The following ME3 variants were observed in gnomAD, a reference collection of about 807,000 sequenced individuals.
ME3 encodes the protein malic enzyme 3.
A neutral mutation model predicts 68.9 loss-of-function variants in ME3; 48 were observed. That is an observed-to-expected ratio of 0.70 (90% CI 0.55 to 0.89). The LOEUF is 0.89. ME3 is among the 40% of genes least tolerant of loss of function. The pLI, the probability that ME3 is intolerant of heterozygous loss-of-function variation, is 0.00. For missense variants in ME3, 675 were observed against 797.4 expected (o/e 0.85, Z 1.85); for synonymous variants, 320 against 318.8 (o/e 1.00, Z -0.04).
chr11:86,475,908 A>AAG lies in ME3; in HGVS notation c.810-10710_810-10709dup, dbSNP rs1277347481. On this transcript the variant is annotated intron_variant, in intron 7 of 14. Coordinates refer to ENST00000543262, the Ensembl canonical transcript of ME3. The stretch of plus-strand genomic sequence containing the variant: ...AGAGAGAGAGAGAGAGAGAAAGAGA[A>AAG]AGAGAGAGAGAGAGAGCAGTGACCC... Among the ~76,000 whole-genome samples, 625 of 126,766 alleles carry AAG rather than the reference A, an allele frequency of 4.9e-3. 7 individuals carry two copies. The highest frequency in any genetic ancestry group is 0.017 in the African/African-American group (557 of 32,900). 83.2% of individuals were successfully genotyped at this position (126,766 alleles called of 152,430 possible).
At chr11:86,631,508 C>T (rs977078814) in intron 2 of ME3, among the ~76,000 whole-genome samples, 1 of 152,020 alleles carries the variant, frequency 6.6e-6, no homozygotes, top group Non-Finnish European at 1.5e-5. Context: ...CAAATCCAAA[C>T]GCATATCAGA....
At chr11:86,488,052 T>C (rs970463546) in intron 6 of ME3, among the ~76,000 whole-genome samples, 1 of 152,178 alleles carries the variant, frequency 6.6e-6, no homozygotes, top group South Asian at 2.1e-4. Context: ...TGGTGGTGTA[T>C]GTCTTTGGTC....
At chr11:86,505,896 G>A (rs1159672146) in intron 5 of ME3, among the ~76,000 whole-genome samples, 2 of 152,208 alleles carry the variant, frequency 1.3e-5, no homozygotes, top group Non-Finnish European at 2.9e-5. Context: ...TGTGTACTCT[G>A]CGGTACCACA....
chr11:86,553,719 C>G (rs1956801628), intron 4 of ME3, among the ~76,000 whole-genome samples: 1 of 152,228 alleles, frequency 6.6e-6, no homozygotes, highest in Non-Finnish European at 1.5e-5. Context: ...CAAGCTCACT[C>G]AGCTGCAGGC....
chr11:86,602,950 CA>C (rs1197389629), intron 2 of ME3, among the ~76,000 whole-genome samples: 2 of 152,184 alleles, frequency 1.3e-5, no homozygotes, highest in Admixed American at 1.3e-4. Flanking sequence ...AAAATTAATT[CA>C]AGGTGGATTA....
At chr11:86,529,206 C>A (rs1955011116) in intron 4 of ME3, among the ~76,000 whole-genome samples, 1 of 152,150 alleles carries the variant, frequency 6.6e-6, no homozygotes, top group Non-Finnish European at 1.5e-5. Context: ...ATACAAACTA[C>A]CATCAGAGAA....
intron 2 of ME3, among the ~76,000 whole-genome samples, chr11:86,659,365 G>A (rs1946127747): frequency 6.6e-6 from 1 of 152,208 alleles, no homozygotes. Context: ...TTCAAAGATG[G>A]TAGGTAGAAG....
chr11:86,576,339 T>C (rs1220225986), intron 2 of ME3, among the ~76,000 whole-genome samples: 1 of 152,068 alleles, frequency 6.6e-6, no homozygotes, highest in African/African-American at 2.4e-5. Flanking sequence ...CACTGCCGCC[T>C]CCCCTCTGCC....
intron 2 of ME3, among the ~76,000 whole-genome samples, chr11:86,651,996 G>A (rs568297231): frequency 6.6e-6 from 1 of 152,296 alleles, no homozygotes; most frequent in Admixed American, 6.5e-5. Context: ...GGGTATCAGT[G>A]ACGGAAGATC....
chr11:86,559,658 CCAGA>C, intron 3 of ME3, 28 bp downstream of exon 3: 2 of 1,593,506 alleles, frequency 1.3e-6, no homozygotes, highest in Non-Finnish European at 8.6e-7. Flanking sequence ...AGCCCAAGGA[CCAGA>C]CAGAGAGAAC....
chr11:86,572,716 T>C (rs1957869038), intron 2 of ME3, among the ~76,000 whole-genome samples: 4 of 152,356 alleles, frequency 2.6e-5, no homozygotes, highest in African/African-American at 9.6e-5. Flanking sequence ...CCTTTGCTAT[T>C]GTAAATGGTG....
At chr11:86,476,036 C>G (rs1220449515) in intron 7 of ME3, among the ~76,000 whole-genome samples, 1 of 151,972 alleles carries the variant, frequency 6.6e-6, no homozygotes, top group Non-Finnish European at 1.5e-5. Context: ...AACATAAAAT[C>G]CTCATTAACT....
chr11:86,663,651 C>A (rs748658254), intron 2 of ME3, among the ~76,000 whole-genome samples: 15 of 152,128 alleles, frequency 9.9e-5, no homozygotes, highest in Non-Finnish European at 2.2e-4. Flanking sequence ...AATCAAAAGG[C>A]CTTTTTTCCC....
intron 2 of ME3, among the ~76,000 whole-genome samples, chr11:86,637,662 T>C (rs1944420509): frequency 6.6e-6 from 1 of 152,140 alleles, no homozygotes; most frequent in Admixed American, 6.6e-5. Context: ...TGCGTTGTGC[T>C]AAGGAGTTTA....
At chr11:86,504,907 G>T (rs7112251) in intron 5 of ME3, among the ~76,000 whole-genome samples, 1,649 of 150,862 alleles carry the variant, frequency 0.011, 34 homozygotes, top group African/African-American at 0.038. Flanking sequence ...GCCAGGCTGT[G>T]CTCAAACTCC....
At chr11:86,671,670 G>A (rs1305971455) in intron 2 of ME3, 92 bp downstream of exon 2, 3 of 1,496,384 alleles carry the variant, frequency 2.0e-6, no homozygotes, top group Non-Finnish European at 2.7e-6. Flanking sequence ...AAGGGCGCCC[G>A]GGAGGATCCT....
At chr11:86,567,234 AAAAG>A (rs1444394794) in intron 2 of ME3, among the ~76,000 whole-genome samples, 11 of 63,534 alleles carry the variant, frequency 1.7e-4, no homozygotes, top group East Asian at 7.7e-4. Context: ...AGAAAGAAAG[AAAAG>A]AAAGAAAGGA....
In ME3 at chr11:86,543,748, A is replaced by C. The variant is rs190762224; in HGVS notation, c.467+12805T>G. ...ACTGTCAGCATTAGACAGATCAATG[A>C]GACATAAAATTAACAAGGATATTCC... On this transcript the variant is annotated intron_variant, in intron 4 of 14. Transcript: ENST00000543262. 2.2e-3 allele frequency among the ~76,000 whole-genome samples: 330 copies of C among 152,326 alleles called. 3 individuals are homozygous for C. Among genetic ancestry groups the C allele is most frequent in the African/African-American group, 7.7e-3 (322 of 41,568 alleles).
chr11:86,546,511 G>A (rs1357711480), intron 4 of ME3, among the ~76,000 whole-genome samples: 2 of 152,070 alleles, frequency 1.3e-5, no homozygotes, highest in Non-Finnish European at 2.9e-5. Context: ...TGACAGATAC[G>A]AACAGACACT....
Sources: allele counts gnomAD v4.1 joint callset (sites outside exome capture counted in the v4.1 genomes callset), GRCh38; gene constraint gnomAD v4.1.1; transcripts MANE v1.5; gene names NCBI Gene and HGNC (gene_info 2026-07-23, HGNC 2026-07-21).